The following UNC80 variants were observed in gnomAD, a reference collection of about 807,000 sequenced individuals.
The protein encoded by UNC80 is unc-80 subunit of NALCN channel complex.
A neutral mutation model predicts 384.6 loss-of-function variants in UNC80; 164 were observed. That is an observed-to-expected ratio of 0.43 (90% CI 0.38 to 0.49). The LOEUF is 0.49. Ranked by LOEUF, UNC80 falls within the 20% of genes least tolerant of loss-of-function variation. UNC80 has a pLI of 0.00. For missense variants in UNC80, 3,330 were observed against 4,143.0 expected, an observed-to-expected ratio of 0.80 and a Z score of 5.39; for synonymous variants, 1,486 against 1,527.8, an observed-to-expected ratio of 0.97 and a Z score of 0.64.
At chr2:209,865,584 GAA>G (rs775839043) in intron 22 of UNC80, among the ~76,000 whole-genome samples, 5 of 119,080 alleles carry the variant, frequency 4.2e-5, no homozygotes, top group Admixed American at 2.6e-4. Context: ...CTCCGTCTCA[GAA>G]AAAAAAAAAA....
intron 35 of UNC80, among the ~76,000 whole-genome samples, chr2:209,923,923 T>A (rs1469924218): frequency 2.0e-5 from 3 of 152,280 alleles, no homozygotes; most frequent in African/African-American, 7.2e-5. Context: ...TTGGATAAGG[T>A]AAGATATGTG....
chr2:209,978,685 G>A lies in UNC80; in HGVS notation c.9095G>A (p.Arg3032Gln), dbSNP rs952112150. ...CAGGCTTCGCAGGACACCCTGAGTC[G>A]GACTGATGAGGAAGATGAGGAAAGT... ...SQQASQDTLS[R>Q]TDEEDEENDS... Residue 3032 changes from arginine (R) to glutamine (Q), a missense_variant, in exon 59 of 65, where the codon CGG (arginine) becomes CAG (glutamine). Physicochemically the swap from Arg to Gln is conservative, Grantham distance 43. Transcript: ENST00000673920. 1.5e-5 allele frequency: 23 copies of A among 1,543,914 alleles called. No homozygotes were observed. The highest frequency in any genetic ancestry group is 1.2e-4 in the Admixed American group (6 of 50,872).
At chr2:209,871,165 A>G (rs2084260246) in intron 22 of UNC80, among the ~76,000 whole-genome samples, 1 of 152,196 alleles carries the variant, frequency 6.6e-6, no homozygotes, top group African/African-American at 2.4e-5. Flanking sequence ...CATGGGACTA[A>G]TATCCCACTT....
rs570713818 is a variant in UNC80, at chr2:209,851,414, G to T, written c.3627+1791G>T. Among the ~76,000 whole-genome samples the T allele has an allele frequency of 8.5e-5, 13 of 152,230 alleles. No individual in the cohort carries two copies. In the South Asian group the frequency reaches 2.7e-3, roughly 32 times the overall value. On this transcript the variant is annotated intron_variant, in intron 22 of 64. Transcript: ENST00000673920. ...TTTGGACTGTATATAATCGGGGAGG[G>T]AGAGTAGCAGTTCTTTACATATCAA...
At chr2:209,875,945 GA>G (rs2084745414) in intron 23 of UNC80, among the ~76,000 whole-genome samples, 1 of 152,072 alleles carries the variant, frequency 6.6e-6, no homozygotes, top group Admixed American at 6.6e-5. Context: ...TTATAGCAGT[GA>G]ATTCTGAGAT....
intron 13 of UNC80, among the ~76,000 whole-genome samples, chr2:209,824,376 G>A (rs6727260): frequency 0.12 from 18,960 of 152,092 alleles, 2,194 homozygotes; most frequent in African/African-American, 0.3. Context: ...TGGGGCATAG[G>A]GAGAAATTGA....
intron 13 of UNC80, among the ~76,000 whole-genome samples, chr2:209,825,212 A>G (rs888021722): frequency 6.6e-6 from 1 of 152,154 alleles, no homozygotes; most frequent in African/African-American, 2.4e-5. Flanking sequence ...CTTTGGAAAT[A>G]ATTCAAGGAA....
At chr2:209,801,064 T>C in intron 7 of UNC80, among the ~76,000 whole-genome samples, 1 of 152,206 alleles carries the variant, frequency 6.6e-6, no homozygotes, top group Non-Finnish European at 1.5e-5. Context: ...AAACGTCTAC[T>C]AAGTCTGCTT....
At chr2:209,954,000 T>A (rs2092305739) in intron 47 of UNC80, 100 bp from the exon 48 acceptor site, 1 of 1,315,290 alleles carries the variant, frequency 7.6e-7, no homozygotes, top group Non-Finnish European at 1.0e-6. Context: ...AGAATTCATA[T>A]ATCTCTAGAT....
rs1286976911 is a variant in UNC80 at position 209,959,683 on chromosome 2, T to C, written c.7781T>C (p.Leu2594Pro). Reference protein sequence around the residue: ...AGEPRVIALELLDVKSHMRLA... With the variant: ...AGEPRVIALEPLDVKSHMRLA... ...GAGCCTCGGGTCATTGCCTTGGAACTGCTGGATGTGAAGTCTCACATGAGG... is the reference window on the plus strand; with the variant it reads ...GAGCCTCGGGTCATTGCCTTGGAACCGCTGGATGTGAAGTCTCACATGAGG... Residue 2594 changes from leucine (L) to proline (P), a missense_variant, in exon 51 of 65, where the codon CTG becomes CCG. Leu to Pro is a moderately conservative substitution (Grantham distance 98, BLOSUM62 -3). Around this residue, in one of 8 missense-constraint regions of UNC80, gnomAD observed 1,049 missense variants for 1,488.6 expected, o/e 0.70. Coordinates refer to ENST00000673920, the MANE Select transcript of UNC80 (RefSeq NM_001371986.1). The C allele has an allele frequency of 6.4e-7, 1 of 1,551,446 alleles. No homozygotes were observed. The highest frequency in any genetic ancestry group is 2.0e-5 in the Admixed American group (1 of 50,968).
intron 22 of UNC80, among the ~76,000 whole-genome samples, chr2:209,853,293 T>C (rs908337576): frequency 6.6e-6 from 1 of 152,136 alleles, no homozygotes; most frequent in Non-Finnish European, 1.5e-5. Context: ...ATAGTTTCAT[T>C]GTTTTATGTC....
rs2084935622 is a variant in UNC80 at position 209,878,035 on chromosome 2, G to T, written c.3922G>T (p.Glu1308Ter). The change falls in exon 24 of 65, where the codon GAG becomes TAG. Residue 1308 changes from glutamate to a stop codon, truncating the protein, a stop_gained. Coordinates refer to ENST00000673920, the MANE Select transcript of UNC80 (RefSeq NM_001371986.1). LOFTEE classifies it high-confidence loss of function. ...CCTGCTGGGTCTCATTTACGATGAA[G>T]AGACCAAGAGGAGACTTAGAAAGGA... ...ANLLGLIYDEETKRRLRKEDE... is the reference protein window; with the variant it reads ...ANLLGLIYDE The T allele has an allele frequency of 1.9e-6, 3 of 1,545,912 alleles. No homozygotes were observed. Among genetic ancestry groups the T allele is most frequent in the Non-Finnish European group, 1.7e-6 (2 of 1,144,378 alleles).
chr2:209,951,451 C>G (rs989191498), intron 47 of UNC80: 1 of 152,108 alleles, frequency 6.6e-6, no homozygotes, highest in Non-Finnish European at 1.5e-5. Context: ...GCATGCACCA[C>G]CACACCCAGC....
intron 26 of UNC80, among the ~76,000 whole-genome samples, chr2:209,890,729 C>T (rs558486070): frequency 6.6e-6 from 1 of 152,306 alleles, no homozygotes; most frequent in South Asian, 2.1e-4. Flanking sequence ...ATGTTGAAAA[C>T]TTTTAATAAG....
At chr2:209,827,692 T>A (rs540395743) in intron 14 of UNC80, among the ~76,000 whole-genome samples, 42 of 152,314 alleles carry the variant, frequency 2.8e-4, no homozygotes, top group African/African-American at 9.9e-4. Flanking sequence ...AATATCCAGT[T>A]CCAGAAGCTA....
Position 209,872,774 on chromosome 2 carries a change from C to T in UNC80, c.3644C>T (p.Ala1215Val), listed in dbSNP as rs2084410668. Residue 1215 changes from alanine to valine, a missense_variant, in exon 23 of 65, where the codon GCC (alanine) becomes GTC (valine). Around this residue, in one of 8 missense-constraint regions of UNC80, gnomAD observed 801 missense variants for 950.8 expected, o/e 0.84. Transcript: ENST00000673920. The surrounding 1 kb of genome is among the most constrained non-coding windows in gnomAD (Gnocchi z 4.1). ...CCTACACAGGAAGCCCCTGTGGTGGCCAGAGCAGCCTTGTTCCTGGAATGT... is the reference window on the plus strand; with the variant it reads ...CCTACACAGGAAGCCCCTGTGGTGGTCAGAGCAGCCTTGTTCCTGGAATGT... ...AALDLEAPVVARAALFLECAR... is the reference protein window; with the variant it reads ...AALDLEAPVVVRAALFLECAR... 6.4e-7 allele frequency: 1 copy of T among 1,551,450 alleles called. No individual in the cohort carries two copies. Among genetic ancestry groups the T allele is most frequent in the Non-Finnish European group, 8.7e-7 (1 of 1,146,810 alleles).
chr2:209,895,494 A>G (rs947670821), intron 27 of UNC80, among the ~76,000 whole-genome samples: 1 of 152,128 alleles, frequency 6.6e-6, no homozygotes, highest in African/African-American at 2.4e-5. Context: ...TCTTAAGGAG[A>G]CTTTTTTTTA....
chr2:209,822,201 A>G (rs2080182794), intron 13 of UNC80, among the ~76,000 whole-genome samples: 1 of 152,202 alleles, frequency 6.6e-6, no homozygotes, highest in Non-Finnish European at 1.5e-5. Flanking sequence ...CCTTGAATGT[A>G]TTAATCATAA....
intron 29 of UNC80, among the ~76,000 whole-genome samples, chr2:209,910,369 C>T (rs976505092): frequency 6.6e-6 from 1 of 151,906 alleles, no homozygotes; most frequent in Non-Finnish European, 1.5e-5. Flanking sequence ...AAGACCTTTA[C>T]AAGAGTGTAC....
Sources: gnomAD v4.1 joint callset for allele counts (sites outside exome capture counted in the v4.1 genomes callset) on GRCh38, gnomAD v4.1.1 for gene constraint, gnomAD v4.1.1 regional missense constraint, Gnocchi (gnomAD v3.1) non-coding constraint, MANE v1.5 for transcripts, NCBI Gene and HGNC (gene_info 2026-07-23, HGNC 2026-07-21) for gene names.